Variants in HIVEP1 observed in about 807,000 individuals in gnomAD.
HIVEP1 encodes HIVEP zinc finger 1.
HIVEP1 carries 36 observed loss-of-function variants against 180.0 expected under a neutral mutation model. The observed-to-expected ratio is 0.20, with a 90% CI of 0.15 to 0.26. The LOEUF is 0.26. Among genes scored for constraint, HIVEP1 ranks in the 10% least tolerant of loss-of-function variants. The probability of loss-of-function intolerance (pLI) is 1.00; values close to 1 mark genes in which losing one functional copy is unlikely to be tolerated. For missense variants in HIVEP1, 3,143 were observed against 3,268.7 expected (o/e 0.96, Z 0.94); for synonymous variants, 1,239 against 1,239.0 (o/e 1.00, Z 0.00).
At chr6:12,093,839 A>T (rs908284107) in intron 3 of HIVEP1, among the ~76,000 whole-genome samples, 11 of 152,060 alleles carry the variant, frequency 7.2e-5, no homozygotes, top group African/African-American at 2.4e-4. Context: ...ACAGTAGGGC[A>T]GATTCCTTGT....
At chr6:12,118,459 C>A (rs1775357535) in intron 3 of HIVEP1, among the ~76,000 whole-genome samples, 1 of 152,146 alleles carries the variant, frequency 6.6e-6, no homozygotes, top group African/African-American at 2.4e-5. Flanking sequence ...CAAAGTAAAT[C>A]ATGGCAAGTA....
chr6:12,141,597 A>G (rs921286177), intron 7 of HIVEP1, among the ~76,000 whole-genome samples: 1 of 148,496 alleles, frequency 6.7e-6, no homozygotes, highest in Non-Finnish European at 1.5e-5. Flanking sequence ...AAGACCCATC[A>G]GTGTGCTGTA....
chr6:12,042,237 G>T (rs556234795), intron 2 of HIVEP1, among the ~76,000 whole-genome samples: 2 of 149,958 alleles, frequency 1.3e-5, no homozygotes, highest in Admixed American at 1.3e-4. Context: ...CCGCCACCGC[G>T]CCTGGCTAAT....
chr6:12,078,420 A>G (rs1467442715), intron 2 of HIVEP1, among the ~76,000 whole-genome samples: 1 of 152,046 alleles, frequency 6.6e-6, no homozygotes, highest in African/African-American at 2.4e-5. Flanking sequence ...GAAATATCAG[A>G]AAGGATTTGC....
intron 5 of HIVEP1, among the ~76,000 whole-genome samples, chr6:12,130,195 C>T (rs1392138649): frequency 6.6e-6 from 1 of 152,164 alleles, no homozygotes; most frequent in Non-Finnish European, 1.5e-5. Flanking sequence ...AGAATCTGCT[C>T]TCAGATGAAT....
intron 4 of HIVEP1, 25 bp from the exon 5 acceptor site, chr6:12,129,734 T>A: frequency 1.9e-6 from 3 of 1,569,628 alleles, no homozygotes; most frequent in South Asian, 1.1e-5. Context: ...TTTATTAAAT[T>A]AGTTTCTCTC....
At chr6:12,104,209 T>C (rs1403155264) in intron 3 of HIVEP1, among the ~76,000 whole-genome samples, 1 of 152,138 alleles carries the variant, frequency 6.6e-6, no homozygotes, top group African/African-American at 2.4e-5. Context: ...ATTCATGCAT[T>C]TCATTCATTT....
chr6:12,048,603 T>C (rs1057346282), intron 2 of HIVEP1, among the ~76,000 whole-genome samples: 3 of 152,234 alleles, frequency 2.0e-5, no homozygotes, highest in African/African-American at 7.2e-5. Flanking sequence ...CACTCTCTAA[T>C]TGAAAATTCA....
At chr6:12,167,946 GTACATGTATATATGTA>G (rs1760773475), downstream of HIVEP1, among the ~76,000 whole-genome samples, 1 of 89,512 alleles carries the variant, frequency 1.1e-5, no homozygotes, top group African/African-American at 4.4e-5. Context: ...ATATATACAT[GTACATGTATATATGTA>G]TATATTATAT....
chr6:12,209,653 TC>T, the HIVEP1 span, among the ~76,000 whole-genome samples: 2 of 152,170 alleles, frequency 1.3e-5, no homozygotes, highest in African/African-American at 4.8e-5. Context: ...TTAATAATAA[TC>T]ATCATAATAC....
intron 3 of HIVEP1, among the ~76,000 whole-genome samples, chr6:12,099,118 G>A (rs548862964): frequency 1.3e-5 from 2 of 152,086 alleles, no homozygotes; most frequent in African/African-American, 2.4e-5. Flanking sequence ...AGGAGCCCGA[G>A]GAGCAGACGC....
the HIVEP1 span, among the ~76,000 whole-genome samples, chr6:12,201,458 C>A: frequency 6.6e-6 from 1 of 152,038 alleles, no homozygotes; most frequent in African/African-American, 2.4e-5. Flanking sequence ...GCCTGGATGA[C>A]AAAGGGAGAC....
chr6:12,120,799 G>A lies in HIVEP1; in HGVS notation c.1004G>A (p.Gly335Asp), dbSNP rs1408041886. The change falls in exon 4 of 9, where the codon GGC becomes GAC. Residue 335 changes from glycine to aspartate, a missense_variant. Around this residue, in one of 12 missense-constraint regions of HIVEP1, gnomAD observed 306 missense variants for 310.6 expected, o/e 0.99. Coordinates refer to ENST00000379388, the MANE Select transcript of HIVEP1 (RefSeq NM_002114.4). ...VYNIAVTSSV[G>D]LTSPSSRSQV... Reference sequence around the variant, plus strand: ...AATATAGCAGTGACATCATCTGTAGGCCTAACTTCACCTTCCAGTAGATCT... The same window carrying A: ...AATATAGCAGTGACATCATCTGTAGACCTAACTTCACCTTCCAGTAGATCT... 1 of 1,613,988 alleles carries A rather than the reference G, an allele frequency of 6.2e-7. No homozygotes were observed. Among genetic ancestry groups the A allele is most frequent in the Non-Finnish European group, 8.5e-7 (1 of 1,180,042 alleles).
At chr6:12,198,272 A>G in the HIVEP1 span, among the ~76,000 whole-genome samples, 1 of 152,246 alleles carries the variant, frequency 6.6e-6, no homozygotes, top group African/African-American at 2.4e-5. Context: ...AGATGGTATA[A>G]GATGAACAGC....
At chr6:12,126,191 T>C (rs7764096) in intron 4 of HIVEP1, among the ~76,000 whole-genome samples, 1,766 of 152,352 alleles carry the variant, frequency 0.012, 32 homozygotes, top group African/African-American at 0.04. Flanking sequence ...TTTACTTATA[T>C]TGAGGTTTTG....
At chr6:12,066,882 G>GTGTC (rs1554137900) in intron 2 of HIVEP1, among the ~76,000 whole-genome samples, 1 of 151,206 alleles carries the variant, frequency 6.6e-6, no homozygotes, top group Non-Finnish European at 1.5e-5. Flanking sequence ...GTGTGTGTGT[G>GTGTC]TATATATATA....
At chr6:12,185,675 T>C in the HIVEP1 span, among the ~76,000 whole-genome samples, 15 of 152,336 alleles carry the variant, frequency 9.8e-5, no homozygotes, top group African/African-American at 2.9e-4. Context: ...GAATGGTTAA[T>C]AAGCACATGA....
chr6:12,120,817 G>A lies in HIVEP1; in HGVS notation c.1022G>A (p.Ser341Asn), dbSNP rs935828671. The A allele has an allele frequency of 6.2e-7, 1 of 1,614,124 alleles. No homozygotes were observed. Residue 341 changes from serine to asparagine, a missense_variant, in exon 4 of 9, where the codon AGT becomes AAT. Transcript: ENST00000379388. ...TSSVGLTSPS[S>N]RSQVTPQNQQ... ...TCTGTAGGCCTAACTTCACCTTCCA[G>A]TAGATCTCAGGTTACTCCTCAAAAC...
At chr6:12,113,820 C>T (rs1401922593) in intron 3 of HIVEP1, among the ~76,000 whole-genome samples, 2 of 152,320 alleles carry the variant, frequency 1.3e-5, no homozygotes, top group East Asian at 1.9e-4. Context: ...AGGCTTTAGT[C>T]AGATGTGCTG....
Sources: gnomAD v4.1 joint callset for allele counts (sites outside exome capture counted in the v4.1 genomes callset) on GRCh38, gnomAD v4.1.1 for gene constraint, gnomAD v4.1.1 regional missense constraint, MANE v1.5 for transcripts, NCBI Gene and HGNC (gene_info 2026-07-23, HGNC 2026-07-21) for gene names.